TENM2: variants seen among roughly 807,000 people sequenced by gnomAD.
TENM2 encodes the protein teneurin transmembrane protein 2, also known as teneurin-2.
Under a neutral mutation model 245.2 loss-of-function variants are expected in TENM2, and 52 were observed. The ratio of observed to expected loss-of-function variants is 0.21; its 90% CI spans 0.17 to 0.27. The LOEUF is 0.27. Among genes scored for constraint, TENM2 ranks in the 10% least tolerant of loss-of-function variants. TENM2 has a pLI of 1.00. For synonymous variants in TENM2, 1,363 were observed against 1,438.9 expected, an observed-to-expected ratio of 0.95 and a Z score of 1.19; for missense variants, 3,046 against 3,666.8, an observed-to-expected ratio of 0.83 and a Z score of 4.37.
chr5:168,199,589 T>A (rs2152529113), intron 16 of TENM2, among the ~76,000 whole-genome samples: 1 of 152,344 alleles, frequency 6.6e-6, no homozygotes, highest in South Asian at 2.1e-4. Flanking sequence ...CTTATTTACA[T>A]CTTTTGCCAA....
the TENM2 span, among the ~76,000 whole-genome samples, chr5:167,008,155 A>G: frequency 2.0e-5 from 3 of 152,326 alleles, no homozygotes; most frequent in Admixed American, 6.5e-5. Context: ...CACGTAGCGT[A>G]TATCATAATT....
intron 3 of TENM2, among the ~76,000 whole-genome samples, chr5:167,905,349 C>T (rs527555381): frequency 2.0e-5 from 3 of 152,260 alleles, no homozygotes; most frequent in East Asian, 1.9e-4. Context: ...AATGAATCTT[C>T]ATTGGGATGG....
At chr5:168,157,649 C>A (rs1757301729) in intron 12 of TENM2, among the ~76,000 whole-genome samples, 1 of 151,968 alleles carries the variant, frequency 6.6e-6, no homozygotes. Context: ...AGGAGGGGAA[C>A]AATTAAGAAT....
intron 25 of TENM2, among the ~76,000 whole-genome samples, chr5:168,242,984 A>G (rs1369478104): frequency 1.3e-5 from 2 of 151,952 alleles, no homozygotes; most frequent in African/African-American, 2.4e-5. Context: ...TATTATTACT[A>G]TCATCACCAC....
chr5:168,125,421 G>A (rs1296188712), intron 11 of TENM2, among the ~76,000 whole-genome samples: 3 of 152,204 alleles, frequency 2.0e-5, no homozygotes, highest in Non-Finnish European at 4.4e-5. Context: ...CCCTCGGGGT[G>A]CTGCGTGAAC....
exon 5 of TENM2, chr5:167,993,058 G>C: frequency 6.2e-7 from 1 of 1,614,010 alleles, no homozygotes; most frequent in Non-Finnish European, 8.5e-7. Context: ...TGCTGCCCAG[G>C]AATACTTTCT....
chr5:168,230,759 G>A (rs1764804683), intron 25 of TENM2: 2 of 152,182 alleles, frequency 1.3e-5, no homozygotes. Context: ...ACGGAACAAG[G>A]AGACTCTAGA....
chr5:167,970,403 T>G (rs1561995692), intron 4 of TENM2, among the ~76,000 whole-genome samples: 1 of 152,198 alleles, frequency 6.6e-6, no homozygotes, highest in Non-Finnish European at 1.5e-5. Flanking sequence ...AACATGCTCA[T>G]TTATTGTCTT....
intron 2 of TENM2, among the ~76,000 whole-genome samples, chr5:167,795,668 AAAAG>A (rs930247906): frequency 2.0e-5 from 3 of 152,218 alleles, no homozygotes; most frequent in East Asian, 1.9e-4. Context: ...TCCCAAAAGT[AAAAG>A]AAAGAAAGAA....
the TENM2 span, among the ~76,000 whole-genome samples, chr5:167,252,531 C>A: frequency 1.3e-5 from 2 of 152,134 alleles, no homozygotes; most frequent in African/African-American, 4.8e-5. Context: ...TTTTGGCCAG[C>A]TGTGCAGGGA....
chr5:168,121,358 C>T (rs540196588), intron 10 of TENM2, among the ~76,000 whole-genome samples: 66 of 152,280 alleles, frequency 4.3e-4, no homozygotes, highest in Non-Finnish European at 7.8e-4. Context: ...GCTCTAAGGA[C>T]GTGGCCACAA....
At chr5:167,541,965 G>T (rs1772238268) in intron 2 of TENM2, among the ~76,000 whole-genome samples, 1 of 152,108 alleles carries the variant, frequency 6.6e-6, no homozygotes, top group South Asian at 2.1e-4. Context: ...TTTAATCAAT[G>T]GTCATTGACT....
intron 3 of TENM2, among the ~76,000 whole-genome samples, chr5:167,906,682 G>A (rs1418428257): frequency 1.3e-5 from 2 of 152,114 alleles, no homozygotes; most frequent in African/African-American, 2.4e-5. Context: ...TCCAGGGAGC[G>A]CCATTCACGT....
At chr5:167,431,510 G>A (rs1483912345) in intron 2 of TENM2, among the ~76,000 whole-genome samples, 1 of 152,130 alleles carries the variant, frequency 6.6e-6, no homozygotes. Flanking sequence ...TTCAGGAAAA[G>A]TTTGAATGAA....
intron 2 of TENM2, among the ~76,000 whole-genome samples, chr5:167,752,807 A>T (rs1762047509): frequency 6.6e-6 from 1 of 152,210 alleles, no homozygotes; most frequent in South Asian, 2.1e-4. Context: ...TCAGTTTCAG[A>T]TATAGATTTC....
the TENM2 span, among the ~76,000 whole-genome samples, chr5:167,069,847 A>G: frequency 1.5e-5 from 2 of 132,818 alleles, no homozygotes; most frequent in Non-Finnish European, 3.3e-5. Context: ...ATCACAGAAA[A>G]TTTGGCATGT....
At chr5:167,754,824 C>T in intron 2 of TENM2, 1 of 397,708 alleles carries the variant, frequency 2.5e-6, no homozygotes, top group Non-Finnish European at 4.4e-6. Context: ...TGGCATTTGG[C>T]TGGCAGCGGG....
the TENM2 span, among the ~76,000 whole-genome samples, chr5:166,979,760 T>C: frequency 8.1e-6 from 1 of 123,008 alleles, no homozygotes; most frequent in East Asian, 2.4e-4. Context: ...CTTCGGGAGG[T>C]CATCATTAGT....
intron 9 of TENM2, among the ~76,000 whole-genome samples, chr5:168,102,704 G>A (rs1411260660): frequency 6.6e-6 from 1 of 152,132 alleles, no homozygotes; most frequent in African/African-American, 2.4e-5. Flanking sequence ...AACTGTACCA[G>A]GTTCAAGTGC....
Sources: allele counts gnomAD v4.1 joint callset (sites outside exome capture counted in the v4.1 genomes callset), GRCh38; gene constraint gnomAD v4.1.1; transcripts MANE v1.5; gene names NCBI Gene and HGNC (gene_info 2026-07-23, HGNC 2026-07-21).